Variants in ASNS observed in about 807,000 individuals in gnomAD.
The protein encoded by ASNS is asparagine synthetase [glutamine-hydrolyzing].
ASNS carries 37 observed loss-of-function variants against 62.6 expected under a neutral mutation model. The ratio of observed to expected loss-of-function variants is 0.59; its 90% CI spans 0.45 to 0.78. ASNS has a LOEUF of 0.78. Ranked by LOEUF, ASNS falls within the 30% of genes least tolerant of loss-of-function variation. The pLI is 0.00. For missense variants in ASNS, 520 were observed against 682.4 expected (o/e 0.76, Z 2.65); for synonymous variants, 207 against 237.9 (o/e 0.87, Z 1.19).
At chr7:97,886,799 G>A in the ASNS span, among the ~76,000 whole-genome samples, 2 of 152,164 alleles carry the variant, frequency 1.3e-5, no homozygotes, top group Non-Finnish European at 2.9e-5. Flanking sequence ...TAATGTGACT[G>A]TGTTTTATTT....
intron 3 of ASNS, among the ~76,000 whole-genome samples, chr7:97,866,413 A>C (rs1192905760): frequency 6.6e-6 from 1 of 152,212 alleles, no homozygotes; most frequent in Non-Finnish European, 1.5e-5. Context: ...ATTAGTCTGC[A>C]TTCCCCAAAA....
chr7:97,898,188 G>A, the ASNS span, among the ~76,000 whole-genome samples: 111 of 151,830 alleles, frequency 7.3e-4, no homozygotes, highest in African/African-American at 2.4e-3. Flanking sequence ...TCTGTCTCCC[G>A]CGTTCAAGTG....
chr7:97,859,144 G>T, intron 5 of ASNS, 69 bp downstream of exon 5: 1 of 1,526,258 alleles, frequency 6.6e-7, no homozygotes, highest in Non-Finnish European at 8.8e-7. Context: ...TTCAAATGAT[G>T]GGAGAATACA....
chr7:97,854,602 C>A lies in ASNS; in HGVS notation c.1216G>T (p.Asp406Tyr). 2.5e-6 allele frequency: 4 copies of A among 1,613,618 alleles called. No homozygotes were observed. The highest frequency in any genetic ancestry group is 3.4e-6 in the Non-Finnish European group (4 of 1,179,796). ...ELYLFDVLRADRTTAAHGLEL... is the reference protein window; with the variant it reads ...ELYLFDVLRAYRTTAAHGLEL... ...TACCCATGGGCAGCAGTAGTTCGAT[C>A]TGCGCGGAGAACATCAAACAAATAG... The change falls in exon 10 of 13, where the codon GAT (aspartate) becomes TAT (tyrosine). Residue 406 changes from aspartate to tyrosine, a missense_variant. Physicochemically the swap from Asp to Tyr is radical, Grantham distance 160. Coordinates refer to ENST00000394308, the MANE Select transcript of ASNS (RefSeq NM_001673.5).
chr7:97,853,855 T>C (rs1791304176), intron 10 of ASNS, among the ~76,000 whole-genome samples: 2 of 152,186 alleles, frequency 1.3e-5, no homozygotes, highest in South Asian at 2.1e-4. Context: ...CTATATTTCA[T>C]CAAATTCCAA....
At chr7:97,876,380 C>T (rs1348106707), upstream of ASNS, among the ~76,000 whole-genome samples, 2 of 151,386 alleles carry the variant, frequency 1.3e-5, no homozygotes, top group African/African-American at 2.4e-5. Flanking sequence ...ATCATAATAG[C>T]TATTGGTGTT....
At chr7:97,920,055 T>C in the ASNS span, among the ~76,000 whole-genome samples, 1 of 151,788 alleles carries the variant, frequency 6.6e-6, no homozygotes, top group South Asian at 2.1e-4. Flanking sequence ...TTGCCCAGGC[T>C]GGAGTACAGT....
chr7:97,855,507 C>A (rs1212107267), intron 8 of ASNS, 48 bp from the exon 9 acceptor site: 2 of 1,380,864 alleles, frequency 1.4e-6, no homozygotes, highest in Non-Finnish European at 1.0e-6. Flanking sequence ...TAACCTTCCA[C>A]CAAAAATGCC....
the ASNS span, among the ~76,000 whole-genome samples, chr7:97,916,384 AAAAG>A: frequency 6.6e-6 from 1 of 152,300 alleles, no homozygotes; most frequent in Admixed American, 6.5e-5. Context: ...TCCGTCTCAA[AAAAG>A]AAAGAAAGAA....
the ASNS span, among the ~76,000 whole-genome samples, chr7:97,922,565 A>G: frequency 6.6e-6 from 1 of 152,124 alleles, no homozygotes; most frequent in Non-Finnish European, 1.5e-5. Context: ...GGAAATCACT[A>G]AGAGAGCAGA....
the ASNS span, among the ~76,000 whole-genome samples, chr7:97,894,437 T>C: frequency 2.7e-5 from 4 of 147,782 alleles, no homozygotes; most frequent in Non-Finnish European, 4.5e-5. Context: ...AGTTGGTTTT[T>C]TGAAAAGTTA....
At chr7:97,878,508 CAGAG>C in the ASNS span, among the ~76,000 whole-genome samples, 2 of 152,168 alleles carry the variant, frequency 1.3e-5, no homozygotes, top group Admixed American at 6.5e-5. Context: ...CAATAACAAA[CAGAG>C]AGCCAAATCA....
rs748109599 is a variant in ASNS, at chr7:97,859,289, C to T, written c.597G>A (p.Val199=). 222 of 1,613,988 alleles carry T rather than the reference C, an allele frequency of 1.4e-4. No homozygotes were observed. Among genetic ancestry groups the T allele is most frequent in the Non-Finnish European group, 1.8e-4 (218 of 1,180,018 alleles). Residue 199 remains valine (V), a synonymous_variant, in exon 5 of 13, where the codon GTG becomes GTA. Transcript: ENST00000394308. Reference sequence around the variant, plus strand: ...GACAGTGATGATATTTAACCATTTCCACGGATGCAACTTTGCCATTTGGCT... The same window carrying T: ...GACAGTGATGATATTTAACCATTTCTACGGATGCAACTTTGCCATTTGGCT... ...DLKPNGKVAS[V]EMVKYHHCRD...
chr7:97,865,160 T>C (rs1791904850), intron 3 of ASNS, among the ~76,000 whole-genome samples: 2 of 152,208 alleles, frequency 1.3e-5, no homozygotes, highest in South Asian at 4.1e-4. Flanking sequence ...TGATGAGCAA[T>C]CATTTTCATA....
chr7:97,887,702 A>T, the ASNS span, among the ~76,000 whole-genome samples: 1 of 152,214 alleles, frequency 6.6e-6, no homozygotes, highest in East Asian at 1.9e-4. Flanking sequence ...TCCTCAGCTG[A>T]CCCATAGATC....
Position 97,853,185 on chromosome 7 carries a change from T to A in ASNS, c.1351A>T (p.Thr451Ser). The A allele has an allele frequency of 6.2e-7, 1 of 1,609,364 alleles. No homozygotes were observed. Among genetic ancestry groups the A allele is most frequent in the Non-Finnish European group, 8.5e-7 (1 of 1,178,092 alleles). Reference sequence around the variant, plus strand: ...GGTATCAGATTGGAATCCTCAAACGTCTCTCTCAGGAGATGTTTTTCTATC... The same window carrying A: ...GGTATCAGATTGGAATCCTCAAACGACTCTCTCAGGAGATGTTTTTCTATC... ...NGIEKHLLRETFEDSNLIPKE... is the reference protein window; with the variant it reads ...NGIEKHLLRESFEDSNLIPKE... Residue 451 changes from threonine (T) to serine (S), a missense_variant, in exon 12 of 13, where the codon ACG becomes TCG. Transcript: ENST00000394308.
At chr7:97,892,126 G>C in the ASNS span, among the ~76,000 whole-genome samples, 1 of 152,160 alleles carries the variant, frequency 6.6e-6, no homozygotes, top group South Asian at 2.1e-4. Context: ...TTTGACTTCT[G>C]TGCACCCACA....
chr7:97,872,045 G>T (rs1792297767), intron 1 of ASNS: 2 of 152,284 alleles, frequency 1.3e-5, no homozygotes, highest in South Asian at 4.1e-4. Context: ...ATTTACAGGG[G>T]CTCAAACTGC....
At chr7:97,896,741 C>CACATATATATATAT in the ASNS span, among the ~76,000 whole-genome samples, 64 of 19,758 alleles carry the variant, frequency 3.2e-3, 1 homozygote, top group Admixed American at 5.8e-3. Flanking sequence ...CACACACACA[C>CACATATATATATAT]ATATATATAT....
Sources: allele counts gnomAD v4.1 joint callset (sites outside exome capture counted in the v4.1 genomes callset), GRCh38; gene constraint gnomAD v4.1.1; transcripts MANE v1.5; gene names NCBI Gene and HGNC (gene_info 2026-07-23, HGNC 2026-07-21).